SGPL1: variants seen among roughly 807,000 people sequenced by gnomAD.
The protein encoded by SGPL1 is sphingosine-1-phosphate lyase 1.
In SGPL1, 37 loss-of-function variants were observed where a neutral mutation model predicts 68.9. The observed-to-expected ratio is 0.54, with a 90% CI of 0.41 to 0.71. The LOEUF (loss-of-function observed/expected upper bound fraction) is 0.71. Among genes scored for constraint, SGPL1 ranks in the 30% least tolerant of loss-of-function variants. The probability of loss-of-function intolerance (pLI) is 0.00; values close to 1 mark genes in which losing one functional copy is unlikely to be tolerated. For synonymous variants in SGPL1, 236 were observed against 248.5 expected, an observed-to-expected ratio of 0.95 and a Z score of 0.47; for missense variants, 551 against 704.6, an observed-to-expected ratio of 0.78 and a Z score of 2.47.
chr10:70,873,935 C>T (rs999714839), intron 12 of SGPL1, among the ~76,000 whole-genome samples: 1 of 152,224 alleles, frequency 6.6e-6, no homozygotes, highest in Non-Finnish European at 1.5e-5. Flanking sequence ...TTCTAATCAC[C>T]TGAAGGACTT....
At chr10:70,817,209 G>C (rs1189188712) in intron 2 of SGPL1, among the ~76,000 whole-genome samples, 3 of 152,038 alleles carry the variant, frequency 2.0e-5, no homozygotes, top group Non-Finnish European at 4.4e-5. Flanking sequence ...TAGTAGAGAC[G>C]GGGTTCTCCA....
At chr10:70,873,921 T>C (rs1423674774) in intron 12 of SGPL1, among the ~76,000 whole-genome samples, 1 of 152,234 alleles carries the variant, frequency 6.6e-6, no homozygotes, top group Non-Finnish European at 1.5e-5. Context: ...AACTTGAGCA[T>C]GCATTCTAAT....
intron 7 of SGPL1, among the ~76,000 whole-genome samples, chr10:70,867,300 C>G (rs181708994): frequency 1.5e-4 from 23 of 152,298 alleles, no homozygotes; most frequent in Admixed American, 1.2e-3. Context: ...CAGTGGCTCA[C>G]ACCTGTAATC....
At chr10:70,838,647 A>T (rs1845667207) in intron 2 of SGPL1, among the ~76,000 whole-genome samples, 1 of 152,232 alleles carries the variant, frequency 6.6e-6, no homozygotes, top group Non-Finnish European at 1.5e-5. Context: ...TTCTAAATTT[A>T]AGGAAGCCAG....
chr10:70,869,780 C>G lies in SGPL1; in HGVS notation c.705-12C>G, dbSNP rs1165275674. 6.2e-7 allele frequency: 1 copy of G among 1,608,578 alleles called. No homozygotes were observed. The highest frequency in any genetic ancestry group is 8.5e-7 in the Non-Finnish European group (1 of 1,175,670). ...CCTGAGTTACATTATTCTCCTCTTC[C>G]CTGTCATTTAGTGTGGCTCCCCAAA... On this transcript the variant is annotated splice_polypyrimidine_tract_variant and intron_variant, in intron 8 of 14. Coordinates refer to ENST00000373202, the MANE Select transcript of SGPL1 (RefSeq NM_003901.4).
chr10:70,852,926 T>C (rs1845910563), intron 4 of SGPL1, among the ~76,000 whole-genome samples: 1 of 152,190 alleles, frequency 6.6e-6, no homozygotes, highest in South Asian at 2.1e-4. Flanking sequence ...GGAATTTTAT[T>C]TTGAAATAAA....
At chr10:70,846,648 C>T (rs1276797018) in intron 3 of SGPL1, among the ~76,000 whole-genome samples, 1 of 152,122 alleles carries the variant, frequency 6.6e-6, no homozygotes, top group Non-Finnish European at 1.5e-5. Context: ...CCTTGTTTTA[C>T]AAATGTACTA....
intron 2 of SGPL1, among the ~76,000 whole-genome samples, chr10:70,821,310 G>T (rs1040848206): frequency 6.6e-6 from 1 of 152,074 alleles, no homozygotes; most frequent in Non-Finnish European, 1.5e-5. Flanking sequence ...GGTGCTAGAG[G>T]GTGGTATCAC....
intron 7 of SGPL1, chr10:70,866,827 A>G (rs1354150736): frequency 1.3e-5 from 2 of 152,242 alleles, no homozygotes; most frequent in Non-Finnish European, 2.9e-5. Context: ...GAGTCAAAAA[A>G]TGACTTTTCT....
intron 2 of SGPL1, among the ~76,000 whole-genome samples, chr10:70,827,552 G>A (rs1845458733): frequency 6.6e-6 from 1 of 152,110 alleles, no homozygotes; most frequent in African/African-American, 2.4e-5. Flanking sequence ...TGAATGAGTT[G>A]CCTGTTAGTA....
chr10:70,873,612 C>G, intron 12 of SGPL1, 23 bp downstream of exon 12: 1 of 1,555,072 alleles, frequency 6.4e-7, no homozygotes, highest in South Asian at 1.1e-5. Context: ...GACTGGGGTT[C>G]TGCCTTGTCT....
intron 5 of SGPL1, chr10:70,857,155 T>G (rs184864546): frequency 5.9e-6 from 1 of 168,462 alleles, no homozygotes; most frequent in African/African-American, 2.4e-5. Context: ...TGCTGAAATT[T>G]CACACTTTTC....
At chr10:70,826,541 A>T (rs1488081644) in intron 2 of SGPL1, among the ~76,000 whole-genome samples, 1 of 152,256 alleles carries the variant, frequency 6.6e-6, no homozygotes, top group East Asian at 1.9e-4. Context: ...AGAAGAGTAT[A>T]GAAAGCACAT....
intron 5 of SGPL1, among the ~76,000 whole-genome samples, chr10:70,856,631 C>T (rs759836707): frequency 2.0e-5 from 3 of 152,118 alleles, no homozygotes; most frequent in Non-Finnish European, 2.9e-5. Flanking sequence ...GAAAGTCAAA[C>T]GGGCAGCAAG....
chr10:70,863,781 AAC>A (rs1846127441), intron 7 of SGPL1, among the ~76,000 whole-genome samples: 1 of 152,190 alleles, frequency 6.6e-6, no homozygotes, highest in African/African-American at 2.4e-5. Context: ...GGTTGAGAAA[AAC>A]AGTTTTTCTT....
chr10:70,851,094 C>A (rs752838746), intron 3 of SGPL1, 49 bp from the exon 4 acceptor site: 4 of 1,452,240 alleles, frequency 2.8e-6, no homozygotes, highest in South Asian at 1.1e-5. Flanking sequence ...TATGCCAGGT[C>A]ATATCCATGG....
rs1297413604 is a variant in SGPL1, at chr10:70,865,264, C to T, written c.616-3081C>T. 5.3e-5 allele frequency among the ~76,000 whole-genome samples: 8 copies of T among 150,378 alleles called. No individual in the cohort carries two copies. In the East Asian group the frequency reaches 1.6e-3, roughly 29 times the overall value. ...GAAGTTTATTGCCTAGATTATCTCT[C>T]TTTCCTTGTTTGGTTGTTGTTATTG... On this transcript the variant is annotated intron_variant, in intron 7 of 14. Transcript: ENST00000373202.
chr10:70,849,369 TG>T (rs1845841098), intron 3 of SGPL1, among the ~76,000 whole-genome samples: 1 of 152,206 alleles, frequency 6.6e-6, no homozygotes, highest in African/African-American at 2.4e-5. Context: ...ATGTAGAAAG[TG>T]CTATCAGTGA....
intron 3 of SGPL1, among the ~76,000 whole-genome samples, 175 bp from the exon 4 acceptor site, chr10:70,850,966 TAA>T (rs1360955620): frequency 6.6e-6 from 1 of 152,208 alleles, no homozygotes; most frequent in East Asian, 1.9e-4. Flanking sequence ...TTGAACCATG[TAA>T]ATATAGTACT....
Sources: gnomAD v4.1 joint callset for allele counts (sites outside exome capture counted in the v4.1 genomes callset) on GRCh38, gnomAD v4.1.1 for gene constraint, MANE v1.5 for transcripts, NCBI Gene and HGNC (gene_info 2026-07-23, HGNC 2026-07-21) for gene names.